The following RAPGEF6 variants were observed in gnomAD, a reference collection of about 807,000 sequenced individuals.
The protein encoded by RAPGEF6 is PDZ domain containing guanine nucleotide exchange factor (GEF) 2.
Under a neutral mutation model 171.4 loss-of-function variants are expected in RAPGEF6, and 56 were observed. The observed-to-expected ratio is 0.33, with a 90% CI of 0.26 to 0.41. The LOEUF (loss-of-function observed/expected upper bound fraction) is 0.41. RAPGEF6 is among the 10% of genes least tolerant of loss of function. RAPGEF6 has a pLI of 1.00. For synonymous variants in RAPGEF6, 692 were observed against 650.1 expected, an observed-to-expected ratio of 1.06 and a Z score of -0.98; for missense variants, 1,674 against 1,921.4, an observed-to-expected ratio of 0.87 and a Z score of 2.41.
chr5:131,633,685 C>A (rs1580711673), intron 1 of RAPGEF6, among the ~76,000 whole-genome samples: 1 of 152,042 alleles, frequency 6.6e-6, no homozygotes, highest in South Asian at 2.1e-4. Flanking sequence ...GAGCCAATAT[C>A]GCGCCATTGC....
At position 131,530,862 on chromosome 5, in the gene RAPGEF6, C is replaced by T. The variant is rs151172300; in HGVS notation, c.496-9341G>A. Among the ~76,000 whole-genome samples, 157 of 152,256 alleles carry T rather than the reference C, an allele frequency of 1.0e-3. 1 individual carries two copies. The highest frequency in any genetic ancestry group is 3.5e-3 in the African/African-American group (146 of 41,540). On this transcript the variant is annotated intron_variant, in intron 6 of 27. Coordinates refer to ENST00000509018, the MANE Select transcript of RAPGEF6 (RefSeq NM_016340.6). Reference sequence around the variant, plus strand: ...AATTTTCTTTAAAGTTTTTTTTACACGGTCTCACTCACTTCCTTTCTACAA... The same window carrying T: ...AATTTTCTTTAAAGTTTTTTTTACATGGTCTCACTCACTTCCTTTCTACAA...
intron 3 of RAPGEF6, among the ~76,000 whole-genome samples, chr5:131,595,722 C>T (rs904128943): frequency 6.6e-6 from 1 of 152,006 alleles, no homozygotes; most frequent in Admixed American, 6.6e-5. Flanking sequence ...TAAATCCTTA[C>T]CTATAAATAA....
chr5:131,599,067 T>C (rs1350566699), intron 3 of RAPGEF6, among the ~76,000 whole-genome samples: 1 of 152,130 alleles, frequency 6.6e-6, no homozygotes, highest in African/African-American at 2.4e-5. Context: ...TTTCAGCATT[T>C]TGGGAGGCAG....
At position 131,504,704 on chromosome 5, in the gene RAPGEF6, T is replaced by G; in HGVS notation, c.1176A>C (p.Glu392Asp). Residue 392 changes from glutamate (E) to aspartate (D), a missense_variant, in exon 11 of 28, where the codon GAA becomes GAC. Glu to Asp is a conservative substitution (Grantham distance 45). Transcript: ENST00000509018. ...HVEKNTHKVE[E>D]EGEIVMVHEH... ...CATGTACCATAACAATTTCTCCCTC[T>G]TCCTCAACTTTATGGGTATTTTTTT... 1 of 1,614,010 alleles carries G rather than the reference T, an allele frequency of 6.2e-7. No individual in the cohort carries two copies. The highest frequency in any genetic ancestry group is 8.5e-7 in the Non-Finnish European group (1 of 1,179,940).
chr5:131,483,046 T>C (rs902511785), intron 15 of RAPGEF6, among the ~76,000 whole-genome samples: 17 of 152,164 alleles, frequency 1.1e-4, no homozygotes, highest in Non-Finnish European at 2.1e-4. Flanking sequence ...AACTGAATTA[T>C]TTTTTAAAAT....
At chr5:131,599,110 A>T (rs1449485802) in intron 3 of RAPGEF6, among the ~76,000 whole-genome samples, 1 of 152,194 alleles carries the variant, frequency 6.6e-6, no homozygotes, top group African/African-American at 2.4e-5. Context: ...CAGGAGTTTG[A>T]GACCAGCCTG....
chr5:131,539,845 C>T (rs3776006), intron 6 of RAPGEF6, among the ~76,000 whole-genome samples: 96,134 of 152,042 alleles, frequency 0.63, 32,358 homozygotes, highest in Non-Finnish European at 0.77. Context: ...GAGAAAGAAC[C>T]GCCTGCTACA....
chr5:131,499,747 A>G (rs1034259510), intron 11 of RAPGEF6, among the ~76,000 whole-genome samples: 1 of 152,210 alleles, frequency 6.6e-6, no homozygotes, highest in Admixed American at 6.5e-5. Context: ...ACTGTTATCC[A>G]TAACACCCAA....
chr5:131,433,303 C>CAAG, intron 25 of RAPGEF6, 127 bp downstream of exon 25: 2 of 717,178 alleles, frequency 2.8e-6, no homozygotes, highest in Non-Finnish European at 4.8e-6. Context: ...TGTGCTTGGC[C>CAAG]CACATATTCT....
intron 8 of RAPGEF6, 120 bp downstream of exon 8, chr5:131,510,194 C>CT: frequency 9.0e-7 from 1 of 1,113,536 alleles, no homozygotes; most frequent in Admixed American, 2.9e-5. Context: ...CACAAAAACT[C>CT]TAAGATAATG....
intron 13 of RAPGEF6, 49 bp from the exon 14 acceptor site, chr5:131,492,834 G>C: frequency 6.6e-7 from 1 of 1,526,034 alleles, no homozygotes; most frequent in Non-Finnish European, 9.0e-7. Context: ...TATTCCTATA[G>C]GTTTTTAAAA....
chr5:131,548,102 T>G lies in RAPGEF6; in HGVS notation c.440A>C (p.Tyr147Ser), dbSNP rs181458947. The change falls in exon 6 of 28, where the codon TAT becomes TCT. Residue 147 changes from tyrosine to serine, a missense_variant. By Grantham distance (144) the Tyr-to-Ser change is moderately radical. Around this residue, in one of 3 missense-constraint regions of RAPGEF6, gnomAD observed 1,116 missense variants for 1,321.5 expected, o/e 0.84. Coordinates refer to ENST00000509018, the MANE Select transcript of RAPGEF6 (RefSeq NM_016340.6). ...QSRRRFRKIN[Y>S]KGERQTITDD... ...AGTAATGGTTTGGCGCTCTCCTTTA[T>G]AGTTAATTTTCCGAAATCTTCTTCG... 6.8e-6 allele frequency: 11 copies of G among 1,614,102 alleles called. No individual in the cohort carries two copies. The highest frequency in any genetic ancestry group is 5.5e-5 in the South Asian group (5 of 91,080).
chr5:131,607,304 T>C (rs1193362236), intron 1 of RAPGEF6, among the ~76,000 whole-genome samples: 1 of 152,164 alleles, frequency 6.6e-6, no homozygotes, highest in Non-Finnish European at 1.5e-5. Context: ...TTCTATTTAA[T>C]TTATGGAGAA....
chr5:131,617,584 C>G (rs1418294345), intron 1 of RAPGEF6, among the ~76,000 whole-genome samples: 4 of 152,096 alleles, frequency 2.6e-5, no homozygotes, highest in African/African-American at 9.7e-5. Flanking sequence ...TCTTGAGTAG[C>G]TGGGATTACA....
At chr5:131,483,548 A>T (rs1481160793) in intron 15 of RAPGEF6, among the ~76,000 whole-genome samples, 1 of 152,142 alleles carries the variant, frequency 6.6e-6, no homozygotes, top group Non-Finnish European at 1.5e-5. Context: ...TTGTACATGA[A>T]TCAAAAGTAA....
chr5:131,456,873 T>A (rs566017416), intron 19 of RAPGEF6, among the ~76,000 whole-genome samples: 77 of 152,262 alleles, frequency 5.1e-4, no homozygotes, highest in African/African-American at 1.6e-3. Context: ...ACAAATTTCA[T>A]ATCCACCAAA....
Position 131,548,204 on chromosome 5 carries a change from T to C in RAPGEF6, c.352-14A>G. On this transcript the variant is annotated splice_polypyrimidine_tract_variant and intron_variant, in intron 5 of 27. Coordinates refer to ENST00000509018, the MANE Select transcript of RAPGEF6 (RefSeq NM_016340.6). ...GGCATTCTCTACCTGAAACACATGT[T>C]CATATTCCTGATGAAATATCAAATT... is the stretch of plus-strand genomic sequence containing the variant. The C allele has an allele frequency of 6.2e-7, 1 of 1,611,908 alleles. No homozygotes were observed. Among genetic ancestry groups the C allele is most frequent in the South Asian group, 1.1e-5 (1 of 90,842 alleles).
At chr5:131,546,026 A>T (rs1760503453) in intron 6 of RAPGEF6, among the ~76,000 whole-genome samples, 1 of 152,238 alleles carries the variant, frequency 6.6e-6, no homozygotes, top group Non-Finnish European at 1.5e-5. Context: ...AACTCTCAGT[A>T]CAGAGGAGGG....
chr5:131,499,312 G>C (rs1756853868), intron 11 of RAPGEF6, among the ~76,000 whole-genome samples: 1 of 151,974 alleles, frequency 6.6e-6, no homozygotes, highest in South Asian at 2.1e-4. Context: ...GGCGTGGTGT[G>C]GCTCATGCCT....
Sources: allele counts gnomAD v4.1 joint callset (sites outside exome capture counted in the v4.1 genomes callset), GRCh38; gene constraint gnomAD v4.1.1; regional missense constraint gnomAD v4.1.1; transcripts MANE v1.5; gene names NCBI Gene and HGNC (gene_info 2026-07-23, HGNC 2026-07-21).